Variants in ZNF385B observed in about 807,000 individuals in gnomAD.
The protein encoded by ZNF385B is zinc finger protein 385B.
Under a neutral mutation model 39.2 loss-of-function variants are expected in ZNF385B, and 23 were observed. The observed-to-expected ratio is 0.59, with a 90% CI of 0.42 to 0.83. The LOEUF (loss-of-function observed/expected upper bound fraction) is 0.83, where lower values mean the gene tolerates loss of function less well. Among genes scored for constraint, ZNF385B ranks in the 40% least tolerant of loss-of-function variants. The pLI, the probability that ZNF385B is intolerant of heterozygous loss-of-function variation, is 0.00. For synonymous variants in ZNF385B, 205 were observed against 222.6 expected (o/e 0.92, Z 0.70); for missense variants, 552 against 598.9 (o/e 0.92, Z 0.82).
chr2:179,808,320 C>T (rs1350008014), intron 1 of ZNF385B, among the ~76,000 whole-genome samples: 2 of 152,220 alleles, frequency 1.3e-5, no homozygotes, highest in Non-Finnish European at 2.9e-5. Flanking sequence ...GCGTGAGCCA[C>T]CGCACCCGGC....
intron 3 of ZNF385B, among the ~76,000 whole-genome samples, chr2:179,656,484 A>G (rs1693773392): frequency 1.3e-5 from 2 of 152,202 alleles, no homozygotes; most frequent in African/African-American, 4.8e-5. Flanking sequence ...AAAAAGGGTA[A>G]TGGCACAGCA....
chr2:179,806,536 C>T (rs375250553), intron 1 of ZNF385B, among the ~76,000 whole-genome samples: 16 of 152,120 alleles, frequency 1.1e-4, no homozygotes, highest in Admixed American at 2.0e-4. Context: ...CTTTCAATAA[C>T]GTAACCTGAT....
At chr2:179,452,185 G>A (rs1048361114) in intron 6 of ZNF385B, among the ~76,000 whole-genome samples, 4 of 152,062 alleles carry the variant, frequency 2.6e-5, no homozygotes, top group Non-Finnish European at 5.9e-5. Flanking sequence ...GTGTCCTTGG[G>A]AAGTTCCATA....
intron 6 of ZNF385B, among the ~76,000 whole-genome samples, chr2:179,459,703 ATG>A (rs1272729812): frequency 6.6e-6 from 1 of 151,228 alleles, no homozygotes; most frequent in Non-Finnish European, 1.5e-5. Context: ...TAAATAAAAA[ATG>A]TGCATTATAA....
Position 179,450,545 on chromosome 2 carries a change from G to A in ZNF385B, c.716-3775C>T, listed in dbSNP as rs1339405791. On this transcript the variant is annotated intron_variant, in intron 6 of 9. Coordinates refer to ENST00000410066, the MANE Select transcript of ZNF385B (RefSeq NM_152520.6). ...CAGAGAAATGCAAATCAAAACCACA[G>A]TGAGATACCATCTCACACCAGTTAG... 7.9e-5 allele frequency among the ~76,000 whole-genome samples: 12 copies of A among 151,990 alleles called. No homozygotes were observed. The East Asian group carries it at 2.1e-3, about 27-fold the overall frequency.
intron 3 of ZNF385B, among the ~76,000 whole-genome samples, chr2:179,668,210 C>T (rs1156509559): frequency 6.6e-6 from 1 of 152,146 alleles, no homozygotes; most frequent in East Asian, 1.9e-4. Flanking sequence ...ATGAGGGTCA[C>T]AGAAGACCAT....
intron 1 of ZNF385B, among the ~76,000 whole-genome samples, chr2:179,811,593 G>A (rs74634369): frequency 0.057 from 8,705 of 152,118 alleles, 291 homozygotes; most frequent in Non-Finnish European, 0.067. Flanking sequence ...TAGCTGGCTA[G>A]CCATATGAAG....
At chr2:179,616,125 T>G (rs1201304172) in intron 3 of ZNF385B, among the ~76,000 whole-genome samples, 1 of 152,176 alleles carries the variant, frequency 6.6e-6, no homozygotes, top group Admixed American at 6.5e-5. Context: ...ATTAGCTGTG[T>G]AACTTCCCTT....
intron 3 of ZNF385B, among the ~76,000 whole-genome samples, chr2:179,739,883 T>C (rs1016874133): frequency 1.3e-5 from 2 of 152,132 alleles, no homozygotes; most frequent in African/African-American, 4.8e-5. Context: ...TATTCATTGC[T>C]TACCTTACTA....
intron 3 of ZNF385B, among the ~76,000 whole-genome samples, chr2:179,671,464 A>C (rs938348765): frequency 5.3e-5 from 8 of 152,228 alleles, no homozygotes; most frequent in African/African-American, 1.9e-4. Flanking sequence ...TCAAGACAAA[A>C]CACGAAGGGT....
chr2:179,546,900 C>G (rs139985452), intron 3 of ZNF385B, among the ~76,000 whole-genome samples: 3 of 149,700 alleles, frequency 2.0e-5, no homozygotes, highest in East Asian at 1.9e-4. Flanking sequence ...GTTATTCTGT[C>G]TTTTGAATAA....
chr2:179,445,693 C>A lies in ZNF385B; in HGVS notation c.997G>T (p.Gly333Trp). The A allele has an allele frequency of 6.2e-7, 1 of 1,612,812 alleles. No homozygotes were observed. Among genetic ancestry groups the A allele is most frequent in the Non-Finnish European group, 8.5e-7 (1 of 1,179,490 alleles). Residue 333 changes from glycine to tryptophan, a missense_variant, in exon 8 of 10, where the codon GGG becomes TGG. By Grantham distance (184) the Gly-to-Trp change is radical (BLOSUM62 -2). Transcript: ENST00000410066. ...KHKTMVEARNGAGPIKSYPRP... is the reference protein window; with the variant it reads ...KHKTMVEARNWAGPIKSYPRP... ...GGATAGGATTTAATTGGACCAGCCC[C>A]ATTACGAGCTTCAACCATGGTCTTG...
At chr2:179,571,753 G>A (rs1453959092) in intron 3 of ZNF385B, among the ~76,000 whole-genome samples, 2 of 152,122 alleles carry the variant, frequency 1.3e-5, no homozygotes, top group East Asian at 3.9e-4. Context: ...TACACTAGGA[G>A]TACAATCTCT....
At chr2:179,655,469 T>G (rs1693647070) in intron 3 of ZNF385B, among the ~76,000 whole-genome samples, 1 of 138,432 alleles carries the variant, frequency 7.2e-6, no homozygotes, top group African/African-American at 2.7e-5. Context: ...GTATTAAATA[T>G]TAATCTTATA....
chr2:179,556,154 T>C (rs62176083), intron 3 of ZNF385B, among the ~76,000 whole-genome samples: 18,581 of 148,352 alleles, frequency 0.13, 2,117 homozygotes, highest in Non-Finnish European at 0.17. Flanking sequence ...GATTCATTTA[T>C]ACCTGAATAT....
intron 3 of ZNF385B, among the ~76,000 whole-genome samples, chr2:179,616,124 G>A (rs576561617): frequency 6.6e-6 from 1 of 152,224 alleles, no homozygotes; most frequent in African/African-American, 2.4e-5. Flanking sequence ...TATTAGCTGT[G>A]TAACTTCCCT....
At chr2:179,735,895 G>T (rs1383489081) in intron 3 of ZNF385B, among the ~76,000 whole-genome samples, 1 of 115,022 alleles carries the variant, frequency 8.7e-6, no homozygotes, top group African/African-American at 3.3e-5. Context: ...GGTGGGGGGA[G>T]GGGGGAGGGA....
intron 3 of ZNF385B, among the ~76,000 whole-genome samples, chr2:179,741,756 C>A (rs1435917413): frequency 2.0e-5 from 3 of 151,992 alleles, no homozygotes; most frequent in Non-Finnish European, 4.4e-5. Context: ...TGTATCTATT[C>A]TATTTTATTC....
At chr2:179,573,038 A>T (rs1000298463) in intron 3 of ZNF385B, among the ~76,000 whole-genome samples, 2 of 152,228 alleles carry the variant, frequency 1.3e-5, no homozygotes, top group African/African-American at 4.8e-5. Flanking sequence ...TGATTTTCAG[A>T]TATTTCAAAT....
Sources: allele counts gnomAD v4.1 joint callset (sites outside exome capture counted in the v4.1 genomes callset), GRCh38; gene constraint gnomAD v4.1.1; transcripts MANE v1.5; gene names NCBI Gene and HGNC (gene_info 2026-07-23, HGNC 2026-07-21).